Variants in ANXA4 observed in about 807,000 individuals in gnomAD.
The protein encoded by ANXA4 is 35-beta calcimedin.
A neutral mutation model predicts 49.8 loss-of-function variants in ANXA4; 39 were observed. That is an observed-to-expected ratio of 0.78 (90% CI 0.61 to 1.02). The LOEUF (loss-of-function observed/expected upper bound fraction) is 1.02. Ranked by LOEUF, ANXA4 falls within the 50% of genes least tolerant of loss-of-function variation. The pLI is 0.00. For missense variants in ANXA4, 360 were observed against 410.1 expected (o/e 0.88, Z 1.05); for synonymous variants, 134 against 152.5 (o/e 0.88, Z 0.89).
intron 2 of ANXA4, among the ~76,000 whole-genome samples, chr2:69,695,569 A>C (rs939014658): frequency 4.6e-5 from 7 of 152,244 alleles, no homozygotes; most frequent in Non-Finnish European, 1.0e-4. Context: ...ATTGAATGGA[A>C]GCAACGAAGT....
intron 1 of ANXA4, among the ~76,000 whole-genome samples, chr2:69,757,958 CAA>C (rs11296004): frequency 0.19 from 18,492 of 95,164 alleles, 1,400 homozygotes; most frequent in East Asian, 0.42. Flanking sequence ...GACTTTGTCT[CAA>C]AAAAAAAAAA....
chr2:69,824,680 GGA>G (rs769042737), intron 12 of ANXA4, among the ~76,000 whole-genome samples: 24 of 152,168 alleles, frequency 1.6e-4, no homozygotes, highest in Non-Finnish European at 2.4e-4. Flanking sequence ...CCAACAATAG[GGA>G]GAGGGAGGAT....
intron 3 of ANXA4, among the ~76,000 whole-genome samples, chr2:69,733,766 C>G (rs1670168489): frequency 6.6e-6 from 1 of 152,080 alleles, no homozygotes; most frequent in South Asian, 2.1e-4. Flanking sequence ...AAAGCAGAAG[C>G]TGTTTAAAAT....
exon 1 of ANXA4, chr2:69,644,594 C>T (rs1350580312): frequency 6.6e-6 from 1 of 152,198 alleles, no homozygotes; most frequent in African/African-American, 2.4e-5. Context: ...GAGAAACTGC[C>T]AAAGGTTGTG....
At chr2:69,819,429 C>T in intron 11 of ANXA4, 91 bp downstream of exon 11, 2 of 914,804 alleles carry the variant, frequency 2.2e-6, no homozygotes, top group Non-Finnish European at 3.4e-6. Context: ...CCAAACTTTG[C>T]TCTGAAAGAT....
At chr2:69,810,764 A>G (rs1176683081) in intron 7 of ANXA4, 91 bp downstream of exon 7, 19 of 988,840 alleles carry the variant, frequency 1.9e-5, no homozygotes, top group Non-Finnish European at 3.1e-5. Flanking sequence ...AGCCCCTGAC[A>G]TGTGGATATT....
intron 3 of ANXA4, among the ~76,000 whole-genome samples, chr2:69,730,069 A>G (rs1256369506): frequency 6.6e-6 from 1 of 152,194 alleles, no homozygotes; most frequent in Non-Finnish European, 1.5e-5. Flanking sequence ...GCCAGGCACG[A>G]TGGCACACAC....
intron 2 of ANXA4, among the ~76,000 whole-genome samples, chr2:69,692,737 A>G (rs897508747): frequency 6.6e-6 from 1 of 152,234 alleles, no homozygotes; most frequent in African/African-American, 2.4e-5. Context: ...CCACAAGTAT[A>G]TACTGAGTAT....
chr2:69,770,956 TG>T (rs1327186480), intron 1 of ANXA4, among the ~76,000 whole-genome samples: 1 of 146,766 alleles, frequency 6.8e-6, no homozygotes, highest in African/African-American at 2.5e-5. Flanking sequence ...TAGCTGGGCG[TG>T]GTGGCACGTA....
At chr2:69,800,392 T>C (rs1332143896) in intron 3 of ANXA4, among the ~76,000 whole-genome samples, 1 of 152,192 alleles carries the variant, frequency 6.6e-6, no homozygotes, top group African/African-American at 2.4e-5. Flanking sequence ...CCAACCCCTT[T>C]TCAGTGCCTG....
intron 2 of ANXA4, among the ~76,000 whole-genome samples, chr2:69,719,029 T>G (rs1018767828): frequency 2.0e-5 from 3 of 150,382 alleles, no homozygotes; most frequent in African/African-American, 7.4e-5. Flanking sequence ...CAGGCTGGAG[T>G]GCAGTGGCAC....
chr2:69,778,323 G>T (rs1373407627), intron 1 of ANXA4, among the ~76,000 whole-genome samples: 2 of 152,196 alleles, frequency 1.3e-5, no homozygotes, highest in Admixed American at 6.5e-5. Context: ...TTTTAAAATT[G>T]TCAAAGGGTT....
At chr2:69,769,211 C>A (rs1038784052) in intron 1 of ANXA4, among the ~76,000 whole-genome samples, 1 of 152,164 alleles carries the variant, frequency 6.6e-6, no homozygotes, top group African/African-American at 2.4e-5. Context: ...TAAGGCCATA[C>A]AACAAAGCAA....
chr2:69,750,449 G>A (rs537974484), intron 1 of ANXA4, among the ~76,000 whole-genome samples: 1 of 152,182 alleles, frequency 6.6e-6, no homozygotes, highest in Non-Finnish European at 1.5e-5. Context: ...GTCTCACTCT[G>A]TCACCCTGGC....
chr2:69,721,457 C>T (rs975003506), intron 3 of ANXA4, among the ~76,000 whole-genome samples: 7 of 152,170 alleles, frequency 4.6e-5, no homozygotes, highest in Non-Finnish European at 7.4e-5. Context: ...CCTGCGATCC[C>T]AGCACTTTGG....
chr2:69,804,167 G>C lies in ANXA4; in HGVS notation c.98-366G>C, dbSNP rs111849041. Reference sequence around the variant, plus strand: ...AAAAAAAAAAAAAAAAAATATTCTAGAGGAGAGAAAAAATTACTCCAGCCA... The same window carrying C: ...AAAAAAAAAAAAAAAAAATATTCTACAGGAGAGAAAAAATTACTCCAGCCA... On this transcript the variant is annotated intron_variant, in intron 3 of 12. Transcript: ENST00000394295. 2.9e-3 allele frequency among the ~76,000 whole-genome samples: 434 copies of C among 148,076 alleles called. 2 individuals carry two copies. Among genetic ancestry groups the C allele is most frequent in the African/African-American group, 0.01 (389 of 38,870 alleles).
chr2:69,727,478 T>A (rs1175491784), intron 3 of ANXA4, among the ~76,000 whole-genome samples: 1 of 152,188 alleles, frequency 6.6e-6, no homozygotes, highest in Non-Finnish European at 1.5e-5. Context: ...AGGCTTTGAT[T>A]TGCATTGCCC....
chr2:69,646,976 C>T (rs1042099150), intron 1 of ANXA4, among the ~76,000 whole-genome samples: 1 of 152,190 alleles, frequency 6.6e-6, no homozygotes, highest in Non-Finnish European at 1.5e-5. Context: ...GTCTTCATGT[C>T]CTTTGCTTCA....
At chr2:69,650,396 G>A (rs1233185950) in intron 1 of ANXA4, among the ~76,000 whole-genome samples, 2 of 152,134 alleles carry the variant, frequency 1.3e-5, no homozygotes, top group African/African-American at 4.8e-5. Flanking sequence ...TAAGCACCAT[G>A]TGCTAGACTT....
Sources: gnomAD v4.1 joint callset for allele counts (sites outside exome capture counted in the v4.1 genomes callset) on GRCh38, gnomAD v4.1.1 for gene constraint, MANE v1.5 for transcripts, NCBI Gene and HGNC (gene_info 2026-07-23, HGNC 2026-07-21) for gene names.